The following GTF2E1 variants were observed in gnomAD, a reference collection of about 807,000 sequenced individuals.
GTF2E1 encodes TFIIE alpha subunit.
In GTF2E1, 14 loss-of-function variants were observed where a neutral mutation model predicts 34.9. The ratio of observed to expected loss-of-function variants is 0.40; its 90% confidence interval spans 0.27 to 0.63. GTF2E1 has a LOEUF of 0.63. Ranked by LOEUF, GTF2E1 falls within the 20% of genes least tolerant of loss-of-function variation. The pLI is 0.39. For missense variants in GTF2E1, 469 were observed against 557.7 expected, an observed-to-expected ratio of 0.84 and a Z score of 1.60; for synonymous variants, 188 against 192.9, an observed-to-expected ratio of 0.97 and a Z score of 0.21.
rs1709450228 is a variant in GTF2E1 at position 120,781,716 on chromosome 3, T to TTTTC, written c.*249_*250insCTTT. The TTTTC allele has an allele frequency of 9.8e-6, 1 of 102,020 alleles. No individual in the cohort carries two copies. The highest frequency in any genetic ancestry group is 7.1e-5 in the African/African-American group (1 of 14,048). The allele number at this position is 102,020 out of a possible 1,614,324, so 6.3% of individuals were successfully genotyped here. ...TAATATTTTACTGTATTTTCTTTTCTTTTTTTTTTTTTTTTGGAGATGAAG... is the reference window on the plus strand; with the variant it reads ...TAATATTTTACTGTATTTTCTTTTCTTTTCTTTTTTTTTTTTTTTGGAGATGAAG... On this transcript the variant is annotated 3_prime_UTR_variant, in exon 5 of 5. Transcript: ENST00000283875.
intron 2 of GTF2E1, among the ~76,000 whole-genome samples, chr3:120,758,358 A>G (rs1408381055): frequency 1.3e-5 from 2 of 152,108 alleles, no homozygotes; most frequent in Non-Finnish European, 1.5e-5. Context: ...TATCCCTAAC[A>G]CCATCCTCCA....
At chr3:120,758,814 C>CT (rs1293537909) in intron 2 of GTF2E1, among the ~76,000 whole-genome samples, 4 of 152,218 alleles carry the variant, frequency 2.6e-5, no homozygotes, top group Non-Finnish European at 4.4e-5. Flanking sequence ...TTAATCCAGT[C>CT]TATCATTGAC....
chr3:120,769,799 T>A (rs916368030), intron 2 of GTF2E1, among the ~76,000 whole-genome samples: 1 of 152,172 alleles, frequency 6.6e-6, no homozygotes, highest in African/African-American at 2.4e-5. Flanking sequence ...TGTGAAGGGC[T>A]GCATTTCTCT....
intron 2 of GTF2E1, among the ~76,000 whole-genome samples, chr3:120,752,157 G>C (rs761069891): frequency 2.2e-4 from 33 of 152,172 alleles, no homozygotes; most frequent in Non-Finnish European, 4.1e-4. Flanking sequence ...ATTCACAATT[G>C]TATTAAACAT....
At chr3:120,756,216 C>T (rs896041190) in intron 2 of GTF2E1, among the ~76,000 whole-genome samples, 1 of 152,178 alleles carries the variant, frequency 6.6e-6, no homozygotes, top group African/African-American at 2.4e-5. Context: ...TACTAATTTA[C>T]ATTCCCACCA....
At chr3:120,752,686 C>T (rs550364234) in intron 2 of GTF2E1, among the ~76,000 whole-genome samples, 43 of 152,254 alleles carry the variant, frequency 2.8e-4, no homozygotes, top group South Asian at 1.4e-3. Flanking sequence ...CCATCCAGTA[C>T]AGTCAAGGTG....
intron 2 of GTF2E1, among the ~76,000 whole-genome samples, chr3:120,756,706 G>A (rs79889604): frequency 0.073 from 11,057 of 152,002 alleles, 1,321 homozygotes; most frequent in East Asian, 0.46. Context: ...TGGGTGGATC[G>A]TTTGAGGTCA....
At chr3:120,753,701 G>C (rs1390236654) in intron 2 of GTF2E1, among the ~76,000 whole-genome samples, 1 of 152,182 alleles carries the variant, frequency 6.6e-6, no homozygotes, top group Non-Finnish European at 1.5e-5. Flanking sequence ...AGCAAGGATT[G>C]TTTACCATTG....
intron 3 of GTF2E1, among the ~76,000 whole-genome samples, chr3:120,771,662 T>C (rs1709352744): frequency 6.6e-6 from 1 of 152,148 alleles, no homozygotes; most frequent in Non-Finnish European, 1.5e-5. Context: ...CAGGCTGTAT[T>C]TGTATAGTTT....
At chr3:120,769,969 T>C (rs889032519) in intron 2 of GTF2E1, among the ~76,000 whole-genome samples, 5 of 152,194 alleles carry the variant, frequency 3.3e-5, no homozygotes, top group Non-Finnish European at 7.3e-5. Context: ...TAGGATCTAG[T>C]GTTATGTTGA....
chr3:120,776,113 TTTCTCC>T (rs1206767597), intron 3 of GTF2E1, among the ~76,000 whole-genome samples: 4 of 152,196 alleles, frequency 2.6e-5, no homozygotes, highest in Admixed American at 6.5e-5. Context: ...ACCATATCAC[TTTCTCC>T]TTCTCCAAGT....
chr3:120,779,599 A>G (rs1287441302), intron 4 of GTF2E1, among the ~76,000 whole-genome samples: 1 of 152,180 alleles, frequency 6.6e-6, no homozygotes, highest in African/African-American at 2.4e-5. Flanking sequence ...TAGCTAATTC[A>G]TTTTAATGTG....
intron 1 of GTF2E1, among the ~76,000 whole-genome samples, chr3:120,746,666 G>T (rs919091891): frequency 6.6e-6 from 1 of 152,226 alleles, no homozygotes; most frequent in African/African-American, 2.4e-5. Flanking sequence ...AGTCATGGTG[G>T]TGTCCACCCG....
At position 120,761,759 on chromosome 3, in the gene GTF2E1, A is replaced by G. The variant is rs570811274; in HGVS notation, c.449-8969A>G. Among the ~76,000 whole-genome samples, 1,152 of 147,416 alleles carry G rather than the reference A, an allele frequency of 7.8e-3. 15 individuals are homozygous for G. The highest frequency in any genetic ancestry group is 0.027 in the African/African-American group (1,092 of 39,986). ...GTGAGTTTCTTAATCCTGAGTTCTA[A>G]TTTGATTACACTGTGGTCTGAGAGA... On this transcript the variant is annotated intron_variant, in intron 2 of 4. Transcript: ENST00000283875.
In GTF2E1 at chr3:120,781,531, T is replaced by C. The variant is rs1709448026; in HGVS notation, c.*61T>C. 7.5e-7 allele frequency: 1 copy of C among 1,325,548 alleles called. No individual in the cohort carries two copies. 82.1% of individuals were successfully genotyped at this position (1,325,548 alleles called of 1,614,324 possible). ...AGTTCAAAAAGGAATGTCTCATCTT[T>C]GAAGAAAAGTATTTAAGTGGCTTTC... On this transcript the variant is annotated 3_prime_UTR_variant, in exon 5 of 5. Transcript: ENST00000283875.
intron 1 of GTF2E1, among the ~76,000 whole-genome samples, chr3:120,749,495 G>C (rs916606328): frequency 6.6e-6 from 1 of 152,102 alleles, no homozygotes; most frequent in Non-Finnish European, 1.5e-5. Context: ...GGCCTTTTCT[G>C]CATCTATTGA....
chr3:120,755,602 T>G (rs1709201496), intron 2 of GTF2E1, among the ~76,000 whole-genome samples: 1 of 152,206 alleles, frequency 6.6e-6, no homozygotes, highest in South Asian at 2.1e-4. Context: ...ATCCATCCCC[T>G]CATGCATTTA....
At position 120,742,746 on chromosome 3, in the gene GTF2E1, T is replaced by C. The variant is rs529349266; in HGVS notation, c.-79T>C. On this transcript the variant is annotated 5_prime_UTR_variant, in exon 1 of 5. Coordinates refer to ENST00000283875, the MANE Select transcript of GTF2E1 (RefSeq NM_005513.3). Reference sequence around the variant, plus strand: ...GGGCGTGGTTCATTTAAGCCGGTAGTTGAAGCGCTGGGGGCAGCTGTAGTG... The same window carrying C: ...GGGCGTGGTTCATTTAAGCCGGTAGCTGAAGCGCTGGGGGCAGCTGTAGTG... 1.8e-6 allele frequency: 1 copy of C among 563,866 alleles called. No individual in the cohort carries two copies. Among genetic ancestry groups the C allele is most frequent in the African/African-American group, 1.9e-5 (1 of 53,140 alleles). 34.9% of individuals were successfully genotyped at this position (563,866 alleles called of 1,614,324 possible).
chr3:120,758,880 T>TA (rs1387999300), intron 2 of GTF2E1, among the ~76,000 whole-genome samples: 1 of 152,226 alleles, frequency 6.6e-6, no homozygotes, highest in Middle Eastern at 3.2e-3. Flanking sequence ...GCAGTAAACA[T>TA]ACGTGTGCAT....
Sources: allele counts gnomAD v4.1 joint callset (sites outside exome capture counted in the v4.1 genomes callset), GRCh38; gene constraint gnomAD v4.1.1; transcripts MANE v1.5; gene names NCBI Gene and HGNC (gene_info 2026-07-23, HGNC 2026-07-21).